The following CHLSN variants were observed in gnomAD, a reference collection of about 807,000 sequenced individuals.
CHLSN encodes cholesin.
the CHLSN span, among the ~76,000 whole-genome samples, chr7:1,070,932 C>G: frequency 6.7e-6 from 1 of 149,716 alleles, no homozygotes; most frequent in African/African-American, 2.5e-5. Flanking sequence ...CGCACAGACA[C>G]GCACACATGC....
the CHLSN span, among the ~76,000 whole-genome samples, chr7:983,628 G>T: frequency 6.6e-6 from 1 of 152,202 alleles, no homozygotes. Flanking sequence ...CCCGGCGCGG[G>T]AGCAGGAGTC....
chr7:1,092,820 C>T, the CHLSN span: 349,536 of 1,612,638 alleles, frequency 0.22, 39,989 homozygotes, highest in Middle Eastern at 0.3. Context: ...CAGACAGCAC[C>T]GAGCAGTCGG....
At chr7:1,094,151 C>T in the CHLSN span, among the ~76,000 whole-genome samples, 4 of 152,248 alleles carry the variant, frequency 2.6e-5, no homozygotes, top group Admixed American at 6.5e-5. Context: ...AAGAGCTCTG[C>T]GGCACCCAAG....
At chr7:988,438 GGGGT>G in the CHLSN span, 2 of 1,611,752 alleles carry the variant, frequency 1.2e-6, no homozygotes, top group African/African-American at 2.7e-5. Flanking sequence ...CCTCGGGGCC[GGGGT>G]GGGGCGGCAC....
chr7:1,107,222 G>A, the CHLSN span, among the ~76,000 whole-genome samples: 2 of 152,156 alleles, frequency 1.3e-5, no homozygotes, highest in Non-Finnish European at 2.9e-5. Context: ...AGCCCTGTCT[G>A]CAACCCACTA....
chr7:1,055,667 A>T, the CHLSN span, among the ~76,000 whole-genome samples: 1 of 152,150 alleles, frequency 6.6e-6, no homozygotes, highest in African/African-American at 2.4e-5. Context: ...GACAGAGCAC[A>T]CTGAGGGGTC....
chr7:1,061,509 C>T, the CHLSN span, among the ~76,000 whole-genome samples: 7 of 152,260 alleles, frequency 4.6e-5, no homozygotes, highest in African/African-American at 1.7e-4. Context: ...CCCAGGCTCC[C>T]GCCAGTCTCT....
At chr7:1,104,674 G>T in the CHLSN span, among the ~76,000 whole-genome samples, 1 of 152,224 alleles carries the variant, frequency 6.6e-6, no homozygotes, top group East Asian at 1.9e-4. Flanking sequence ...AGCAGGAGAC[G>T]TGAGCCGGGT....
chr7:1,125,779 T>C, the CHLSN span, among the ~76,000 whole-genome samples: 1 of 152,242 alleles, frequency 6.6e-6, no homozygotes, highest in Non-Finnish European at 1.5e-5. Context: ...CGGAAAGCCC[T>C]GCCCTTCCAC....
chr7:1,060,279 G>T, the CHLSN span, among the ~76,000 whole-genome samples: 189 of 152,276 alleles, frequency 1.2e-3, 4 homozygotes, highest in South Asian at 0.036. Flanking sequence ...ACAGGAAGAT[G>T]TTCCCCCCAA....
the CHLSN span, among the ~76,000 whole-genome samples, chr7:1,072,541 G>T: frequency 6.6e-6 from 1 of 152,208 alleles, no homozygotes; most frequent in Non-Finnish European, 1.5e-5. Flanking sequence ...CTGAGACACA[G>T]AGCTTTCCAA....
At chr7:1,009,944 G>A in the CHLSN span, 537 of 1,540,568 alleles carry the variant, frequency 3.5e-4, no homozygotes, top group Non-Finnish European at 4.4e-4. Context: ...GGGCAGGGCC[G>A]CTCACCTGCA....
the CHLSN span, among the ~76,000 whole-genome samples, chr7:1,066,960 G>A: frequency 7.1e-6 from 1 of 141,704 alleles, no homozygotes; most frequent in East Asian, 2.1e-4. Context: ...GTTGGCGGAG[G>A]CTGGAGTGCA....
the CHLSN span, among the ~76,000 whole-genome samples, chr7:1,066,023 G>A: frequency 6.6e-6 from 1 of 152,230 alleles, no homozygotes; most frequent in Non-Finnish European, 1.5e-5. Flanking sequence ...CTGGACCAGA[G>A]GGAGCCCTGC....
chr7:1,121,616 C>T, the CHLSN span, among the ~76,000 whole-genome samples: 526 of 152,358 alleles, frequency 3.5e-3, 2 homozygotes, highest in African/African-American at 0.011. Context: ...TGCTCCCTTC[C>T]GCTGACCACC....
At chr7:1,058,013 C>T in the CHLSN span, 1 of 769,884 alleles carries the variant, frequency 1.3e-6, no homozygotes, top group Admixed American at 1.7e-5. Flanking sequence ...TGCTCTTCTA[C>T]ATCTGCAGCC....
chr7:1,027,990 C>G, the CHLSN span, among the ~76,000 whole-genome samples: 1 of 150,920 alleles, frequency 6.6e-6, no homozygotes, highest in East Asian at 2.0e-4. Flanking sequence ...CTGCCACCCG[C>G]GGCCCGGCCC....
At chr7:1,089,467 C>G in the CHLSN span, among the ~76,000 whole-genome samples, 1 of 19,530 alleles carries the variant, frequency 5.1e-5, no homozygotes, top group South Asian at 9.3e-4. Context: ...GGCTGAGGCT[C>G]GAGTGCAGTG....
At chr7:1,058,644 T>TG in the CHLSN span, 17 of 612,950 alleles carry the variant, frequency 2.8e-5, no homozygotes, top group Non-Finnish European at 4.8e-5. Context: ...GTGTTTTTCT[T>TG]GAAGTTTCCT....
Sources: allele counts gnomAD v4.1 joint callset (sites outside exome capture counted in the v4.1 genomes callset), GRCh38; gene constraint gnomAD v4.1.1; transcripts MANE v1.5; gene names NCBI Gene and HGNC (gene_info 2026-07-23, HGNC 2026-07-21).